RBFOX1: variants seen among roughly 807,000 people sequenced by gnomAD.
RBFOX1 encodes the protein RNA binding protein fox-1 homolog 1.
In RBFOX1, 8 loss-of-function variants were observed where a neutral mutation model predicts 57.7. The observed-to-expected ratio is 0.14, with a 90% CI of 0.08 to 0.25. RBFOX1 has a LOEUF of 0.25. Among genes scored for constraint, RBFOX1 ranks in the 10% least tolerant of loss-of-function variants. The pLI, the probability that RBFOX1 is intolerant of heterozygous loss-of-function variation, is 1.00. For synonymous variants in RBFOX1, 326 were observed against 222.4 expected (o/e 1.47, Z -4.15); for missense variants, 611 against 548.5 (o/e 1.11, Z -1.14).
At chr16:7,463,137 A>G (rs1242119788) in intron 4 of RBFOX1, among the ~76,000 whole-genome samples, 2 of 152,158 alleles carry the variant, frequency 1.3e-5, no homozygotes, top group Admixed American at 6.5e-5. Flanking sequence ...TTTTTGGCTT[A>G]TAGAAGATTC....
chr16:5,319,742 T>C (rs1454444874), intron 1 of RBFOX1, among the ~76,000 whole-genome samples: 1 of 152,188 alleles, frequency 6.6e-6, no homozygotes, highest in African/African-American at 2.4e-5. Flanking sequence ...ACTTCCACAA[T>C]AGAAGTTTGT....
At chr16:7,249,457 A>G (rs1028211136) in intron 4 of RBFOX1, among the ~76,000 whole-genome samples, 8 of 152,154 alleles carry the variant, frequency 5.3e-5, no homozygotes, top group Admixed American at 2.0e-4. Context: ...TTACATCACC[A>G]AGGAGAAAGC....
In RBFOX1 at chr16:7,386,980, G is replaced by C. The variant is rs149777337; in HGVS notation, c.28-131167G>C. On this transcript the variant is annotated intron_variant, in intron 4 of 15. Coordinates refer to ENST00000550418, the MANE Select transcript of RBFOX1 (RefSeq NM_018723.4). The stretch of plus-strand genomic sequence containing the variant: ...GATTTGCATTTCTCTAATGACCAGT[G>C]ATAAAGAGCATTTATTCATATGTTT... Among the ~76,000 whole-genome samples, 363 of 152,284 alleles carry C rather than the reference G, an allele frequency of 2.4e-3. No individual in the cohort carries two copies. The Middle Eastern group carries it at 0.037, about 16-fold the overall frequency.
Position 5,938,839 on chromosome 16 carries a change from G to A in RBFOX1, c.351+71504G>A, listed in dbSNP as rs183398801. Among the ~76,000 whole-genome samples, 25 of 152,218 alleles carry A rather than the reference G, an allele frequency of 1.6e-4. No homozygotes were observed. The East Asian group carries it at 4.2e-3, about 26-fold the overall frequency. On this transcript the variant is annotated intron_variant, in intron 4 of 19. Transcript: ENST00000641259. Reference sequence around the variant, plus strand: ...CACTCAGCTGAGCCTAGCCCAAATTGCTGATTCATTAGTATCATAAAGAAA... The same window carrying A: ...CACTCAGCTGAGCCTAGCCCAAATTACTGATTCATTAGTATCATAAAGAAA...
chr16:5,293,544 A>C (rs1301405531), intron 1 of RBFOX1, among the ~76,000 whole-genome samples: 1 of 152,188 alleles, frequency 6.6e-6, no homozygotes, highest in Admixed American at 6.5e-5. Flanking sequence ...TGATGTTTCC[A>C]AGGTCCATCC....
At chr16:5,710,590 C>A (rs182947600) in intron 3 of RBFOX1, among the ~76,000 whole-genome samples, 195 of 152,288 alleles carry the variant, frequency 1.3e-3, no homozygotes, top group African/African-American at 4.6e-3. Context: ...TTAAGGCTCA[C>A]GTCCTGTGAT....
chr16:6,353,846 G>A (rs1020639650), intron 2 of RBFOX1, among the ~76,000 whole-genome samples: 2 of 152,108 alleles, frequency 1.3e-5, no homozygotes, highest in Admixed American at 1.3e-4. Flanking sequence ...ACGTTCCTGG[G>A]CTCTGGTGTT....
chr16:5,730,456 A>G (rs2052324527), intron 3 of RBFOX1, among the ~76,000 whole-genome samples: 1 of 152,142 alleles, frequency 6.6e-6, no homozygotes, highest in Admixed American at 6.5e-5. Context: ...GCGCACACAC[A>G]CTGGAGCTGT....
At chr16:5,693,797 T>C (rs1441883483) in intron 3 of RBFOX1, among the ~76,000 whole-genome samples, 1 of 152,198 alleles carries the variant, frequency 6.6e-6, no homozygotes, top group African/African-American at 2.4e-5. Context: ...TTCTTATAAG[T>C]AGGCAACTTC....
chr16:7,611,682 A>C (rs2057497503), intron 10 of RBFOX1, among the ~76,000 whole-genome samples: 1 of 152,152 alleles, frequency 6.6e-6, no homozygotes, highest in Non-Finnish European at 1.5e-5. Flanking sequence ...CGAGGCAGGA[A>C]GAGCCATTGC....
chr16:6,442,639 C>T (rs1221725783), intron 2 of RBFOX1, among the ~76,000 whole-genome samples: 1 of 152,098 alleles, frequency 6.6e-6, no homozygotes, highest in Non-Finnish European at 1.5e-5. Context: ...AACACACCTT[C>T]TCTTCAGGTA....
At chr16:6,944,256 A>G (rs961715973) in intron 3 of RBFOX1, among the ~76,000 whole-genome samples, 3 of 151,962 alleles carry the variant, frequency 2.0e-5, no homozygotes, top group Admixed American at 6.6e-5. Context: ...TAAGCCAGGC[A>G]TGGTGGTGGG....
At chr16:7,262,778 T>C (rs1339930182) in intron 4 of RBFOX1, among the ~76,000 whole-genome samples, 1 of 152,260 alleles carries the variant, frequency 6.6e-6, no homozygotes, top group African/African-American at 2.4e-5. Context: ...GCAAAGGCAG[T>C]TGTAAGCTCA....
At position 5,724,115 on chromosome 16, in the gene RBFOX1, T is replaced by C. The variant is rs536184876; in HGVS notation, c.318+125154T>C. On this transcript the variant is annotated intron_variant, in intron 3 of 19. Transcript: ENST00000641259. ...ACCAATTTTGTGGTGGAGTGACAGATGTTGTGACTGGAACTGTGCTCCTAG... is the reference window on the plus strand; with the variant it reads ...ACCAATTTTGTGGTGGAGTGACAGACGTTGTGACTGGAACTGTGCTCCTAG... Among the ~76,000 whole-genome samples, 9 of 152,272 alleles carry C rather than the reference T, an allele frequency of 5.9e-5. No individual in the cohort carries two copies. The South Asian group carries it at 1.9e-3, about 32-fold the overall frequency.
chr16:5,656,564 T>C (rs2049437742), intron 3 of RBFOX1, among the ~76,000 whole-genome samples: 1 of 152,212 alleles, frequency 6.6e-6, no homozygotes, highest in Non-Finnish European at 1.5e-5. Context: ...AACCTGTCCA[T>C]CACCTCTAAA....
chr16:7,217,380 T>C lies in RBFOX1; in HGVS notation c.27+165282T>C, dbSNP rs117449796. Among the ~76,000 whole-genome samples, 167 of 147,422 alleles carry C rather than the reference T, an allele frequency of 1.1e-3. 3 individuals are homozygous for C. In the East Asian group the frequency reaches 0.032, roughly 28 times the overall value. On this transcript the variant is annotated intron_variant, in intron 4 of 15. Coordinates refer to ENST00000550418, the MANE Select transcript of RBFOX1 (RefSeq NM_018723.4). ...TCCTGACCTTAGGTGATGTCCACCT[T>C]GGCCTCCCAAAGTGCTGGGATTACA...
chr16:5,779,072 C>G (rs1191235460), intron 3 of RBFOX1, among the ~76,000 whole-genome samples: 1 of 152,100 alleles, frequency 6.6e-6, no homozygotes, highest in African/African-American at 2.4e-5. Context: ...AAGTTATGAA[C>G]CATGCTGTCA....
At chr16:6,583,032 C>G (rs1014791919) in intron 2 of RBFOX1, among the ~76,000 whole-genome samples, 1 of 150,794 alleles carries the variant, frequency 6.6e-6, no homozygotes. Context: ...TGCTCGATGT[C>G]TCTCTCTCTC....
chr16:7,174,056 T>G lies in RBFOX1; in HGVS notation c.27+121958T>G, dbSNP rs534098962. Among the ~76,000 whole-genome samples the G allele has an allele frequency of 2.0e-5, 3 of 152,354 alleles. No individual in the cohort carries two copies. In the South Asian group the frequency reaches 6.2e-4, roughly 32 times the overall value. On this transcript the variant is annotated intron_variant, in intron 4 of 15. Transcript: ENST00000550418. ...AAATATTTATTGAGCATCTGCTTTG[T>G]GTTAAATGCTGAATGGTGATTTAAG...
Sources: allele counts gnomAD v4.1 joint callset (sites outside exome capture counted in the v4.1 genomes callset), GRCh38; gene constraint gnomAD v4.1.1; transcripts MANE v1.5; gene names NCBI Gene and HGNC (gene_info 2026-07-23, HGNC 2026-07-21).